Variants in ADAM20 observed in about 807,000 individuals in gnomAD.
The protein encoded by ADAM20 is ADAM metallopeptidase domain 20.
For synonymous variants in ADAM20, 305 were observed against 310.2 expected (o/e 0.98, Z 0.18); for missense variants, 871 against 883.2 (o/e 0.99, Z 0.18).
At chr14:70,568,988 C>G in the ADAM20 span, among the ~76,000 whole-genome samples, 1 of 151,862 alleles carries the variant, frequency 6.6e-6, no homozygotes, top group Non-Finnish European at 1.5e-5. Context: ...CAACCGTTCC[C>G]AAGGTTAATA....
At chr14:70,572,639 A>C in the ADAM20 span, among the ~76,000 whole-genome samples, 2 of 152,220 alleles carry the variant, frequency 1.3e-5, no homozygotes, top group Non-Finnish European at 2.9e-5. Context: ...AGCAAAAGAA[A>C]CAGTTTCAAC....
chr14:70,540,300 T>C, the ADAM20 span, among the ~76,000 whole-genome samples: 3 of 152,290 alleles, frequency 2.0e-5, no homozygotes, highest in Non-Finnish European at 4.4e-5. Context: ...TATATATGTG[T>C]TATGTGTGCA....
the ADAM20 span, among the ~76,000 whole-genome samples, chr14:70,567,750 G>C: frequency 6.6e-6 from 1 of 151,994 alleles, no homozygotes; most frequent in Non-Finnish European, 1.5e-5. Context: ...AAGATACTCT[G>C]TCCAAGCCTT....
At chr14:70,553,810 T>C in the ADAM20 span, among the ~76,000 whole-genome samples, 1 of 151,654 alleles carries the variant, frequency 6.6e-6, no homozygotes, top group African/African-American at 2.4e-5. Flanking sequence ...CCACCATATA[T>C]GACAGACCCA....
At chr14:70,574,970 T>C in the ADAM20 span, among the ~76,000 whole-genome samples, 3 of 151,830 alleles carry the variant, frequency 2.0e-5, no homozygotes, top group Admixed American at 2.0e-4. Flanking sequence ...TCTACTTTAA[T>C]GAAGCACCAA....
At chr14:70,545,202 G>A in the ADAM20 span, among the ~76,000 whole-genome samples, 1 of 152,162 alleles carries the variant, frequency 6.6e-6, no homozygotes, top group Non-Finnish European at 1.5e-5. Flanking sequence ...CACCTTCATA[G>A]GAACCAAAAA....
At chr14:70,537,224 ACTAAC>A (rs1883856587), upstream of ADAM20, among the ~76,000 whole-genome samples, 1 of 152,106 alleles carries the variant, frequency 6.6e-6, no homozygotes. Flanking sequence ...GAGGAGGACA[ACTAAC>A]CTCAAGGGGA....
chr14:70,575,319 C>G, the ADAM20 span, among the ~76,000 whole-genome samples: 1 of 152,048 alleles, frequency 6.6e-6, no homozygotes, highest in Non-Finnish European at 1.5e-5. Context: ...TTCAGCCTCC[C>G]TAGTTGCTGG....
the ADAM20 span, chr14:70,556,832 A>G: frequency 1.3e-5 from 2 of 152,234 alleles, no homozygotes. Flanking sequence ...TTAGGTATAC[A>G]TGGGAGTATA....
At chr14:70,564,458 T>C in the ADAM20 span, among the ~76,000 whole-genome samples, 1 of 152,188 alleles carries the variant, frequency 6.6e-6, no homozygotes, top group East Asian at 1.9e-4. Flanking sequence ...GGAAAAAGTG[T>C]TGTTTCATCA....
At chr14:70,571,027 C>G in the ADAM20 span, among the ~76,000 whole-genome samples, 2 of 152,122 alleles carry the variant, frequency 1.3e-5, no homozygotes, top group African/African-American at 4.8e-5. Context: ...TCAACAGACA[C>G]AGAAAAAGCA....
upstream of ADAM20, among the ~76,000 whole-genome samples, chr14:70,539,684 C>G (rs996714777): frequency 6.6e-6 from 1 of 152,160 alleles, no homozygotes; most frequent in Non-Finnish European, 1.5e-5. Flanking sequence ...TTTTAAGGCT[C>G]TGTTAGAAAT....
upstream of ADAM20, among the ~76,000 whole-genome samples, chr14:70,535,257 CA>C (rs1015282567): frequency 5.3e-5 from 8 of 152,294 alleles, no homozygotes; most frequent in Admixed American, 2.0e-4. Context: ...ACAGTTCAAA[CA>C]GGGAGCTTAT....
At position 70,522,812 on chromosome 14, in the gene ADAM20, T is replaced by C; in HGVS notation, c.1946A>G (p.Lys649Arg). Reference protein sequence around the residue: ...TCNMRGICNNKQHCHCNHEWA... With the variant: ...TCNMRGICNNRQHCHCNHEWA... ...TTCATGGTTGCAGTGACAGTGTTGT[T>C]TGTTGTTGCAGATTCCCCTCATGTT... The change falls in exon 2 of 2, where the codon AAA (lysine) becomes AGA (arginine). Residue 649 changes from lysine to arginine, a missense_variant. By Grantham distance (26) the Lys-to-Arg change is conservative (BLOSUM62 2). Transcript: ENST00000256389. 6.2e-7 allele frequency: 1 copy of C among 1,614,026 alleles called. No individual in the cohort carries two copies. The highest frequency in any genetic ancestry group is 1.1e-5 in the South Asian group (1 of 91,078).
chr14:70,570,386 C>T, the ADAM20 span, among the ~76,000 whole-genome samples: 1 of 151,978 alleles, frequency 6.6e-6, no homozygotes, highest in East Asian at 1.9e-4. Context: ...AGCAAGATTA[C>T]TCAAGAAAAA....
chr14:70,537,536 G>A (rs892926865), upstream of ADAM20, among the ~76,000 whole-genome samples: 1 of 152,188 alleles, frequency 6.6e-6, no homozygotes, highest in Admixed American at 6.5e-5. Flanking sequence ...GGACCAGTGG[G>A]ACTAAGCTGG....
intron 1 of ADAM20, among the ~76,000 whole-genome samples, 199 bp downstream of exon 1, chr14:70,534,598 A>T (rs1566659381): frequency 6.6e-6 from 1 of 152,200 alleles, no homozygotes; most frequent in Non-Finnish European, 1.5e-5. Flanking sequence ...TCCACTTACG[A>T]GGTATCTAAA....
Position 70,522,670 on chromosome 14 carries a change from T to C in ADAM20, c.2088A>G (p.Leu696=). ...NVMGKLRYLS[L]LCLLPLVAFL... ...AAGCAACCAAAGGAAGAAGGCACAATAGTGACAGGTAACGCAACTTTCCCA... is the reference window on the plus strand; with the variant it reads ...AAGCAACCAAAGGAAGAAGGCACAACAGTGACAGGTAACGCAACTTTCCCA... Residue 696 remains leucine, a synonymous_variant, in exon 2 of 2, where the codon CTA becomes CTG. Transcript: ENST00000256389. The C allele has an allele frequency of 6.2e-7, 1 of 1,613,978 alleles. No homozygotes were observed. Among genetic ancestry groups the C allele is most frequent in the Non-Finnish European group, 8.5e-7 (1 of 1,179,910 alleles).
At chr14:70,533,655 G>A (rs1595023379) in intron 1 of ADAM20, among the ~76,000 whole-genome samples, 1 of 151,882 alleles carries the variant, frequency 6.6e-6, no homozygotes, top group Non-Finnish European at 1.5e-5. Flanking sequence ...ATGCATGTGG[G>A]TCTTAAAACC....
Sources: allele counts gnomAD v4.1 joint callset (sites outside exome capture counted in the v4.1 genomes callset), GRCh38; gene constraint gnomAD v4.1.1; transcripts MANE v1.5; gene names NCBI Gene and HGNC (gene_info 2026-07-23, HGNC 2026-07-21).